Variants in DPPA2 observed in about 807,000 individuals in gnomAD.
The protein encoded by DPPA2 is developmental pluripotency associated 2, also known as developmental pluripotency-associated protein 2.
A neutral mutation model predicts 36.2 loss-of-function variants in DPPA2; 26 were observed. The ratio of observed to expected loss-of-function variants is 0.72; its 90% CI spans 0.53 to 1.00. The LOEUF is 1.00. Ranked by LOEUF, DPPA2 falls within the 50% of genes least tolerant of loss-of-function variation. The pLI is 0.00. For missense variants in DPPA2, 361 were observed against 365.1 expected, an observed-to-expected ratio of 0.99 and a Z score of 0.09; for synonymous variants, 113 against 123.2, an observed-to-expected ratio of 0.92 and a Z score of 0.55.
At chr3:109,312,272 T>C (rs1421532179) in intron 3 of DPPA2, among the ~76,000 whole-genome samples, 3 of 152,146 alleles carry the variant, frequency 2.0e-5, no homozygotes, top group South Asian at 4.1e-4. Flanking sequence ...AGGCGGAGGT[T>C]GCAGTGAGCC....
chr3:109,308,898 A>T (rs1425239129), intron 5 of DPPA2, 128 bp downstream of exon 5: 1 of 1,162,134 alleles, frequency 8.6e-7, no homozygotes, highest in Non-Finnish European at 1.2e-6. Flanking sequence ...TTGTTCCGAA[A>T]TATCAATAAT....
chr3:109,301,714 A>C (rs1707460381), intron 7 of DPPA2, among the ~76,000 whole-genome samples: 1 of 152,002 alleles, frequency 6.6e-6, no homozygotes, highest in Non-Finnish European at 1.5e-5. Context: ...GAAGAAGGGA[A>C]GAATGACGAG....
At chr3:109,312,509 T>C in intron 3 of DPPA2, 36 bp downstream of exon 3, 2 of 1,588,560 alleles carry the variant, frequency 1.3e-6, no homozygotes, top group Non-Finnish European at 1.7e-6. Context: ...CCCAGAGTTG[T>C]AGGAGTAACT....
chr3:109,309,004 C>G, intron 5 of DPPA2, 22 bp downstream of exon 5: 1 of 1,614,090 alleles, frequency 6.2e-7, no homozygotes, highest in Non-Finnish European at 8.5e-7. Context: ...ACCTTCACAC[C>G]ATCAACACAC....
intron 8 of DPPA2, among the ~76,000 whole-genome samples, chr3:109,296,218 C>A (rs749367185): frequency 6.6e-6 from 1 of 152,034 alleles, no homozygotes; most frequent in Non-Finnish European, 1.5e-5. Flanking sequence ...AAATTCAACA[C>A]CTAGGCATAT....
chr3:109,299,493 G>A (rs1339767471), intron 8 of DPPA2, among the ~76,000 whole-genome samples: 1 of 151,746 alleles, frequency 6.6e-6, no homozygotes, highest in Non-Finnish European at 1.5e-5. Context: ...CTCCAGCCTG[G>A]GCAACAGAGT....
chr3:109,304,559 A>C lies in DPPA2; in HGVS notation c.770T>G (p.Met257Arg), dbSNP rs765195595. The change falls in exon 7 of 9, where the codon ATG becomes AGG. Residue 257 changes from methionine to arginine, a missense_variant. Coordinates refer to ENST00000478945, the MANE Select transcript of DPPA2 (RefSeq NM_138815.4). ...QAWVPTTHRR[M>R]ISLFLLPACI... is the part of the protein sequence containing the mutation. Reference sequence around the variant, plus strand: ...GGCAGGTAACAAGAAGAGAGAAATCATCCTCCTGTGAGTGGTAGGCACCCA... The same window carrying C: ...GGCAGGTAACAAGAAGAGAGAAATCCTCCTCCTGTGAGTGGTAGGCACCCA... 6.2e-7 allele frequency: 1 copy of C among 1,614,148 alleles called. No homozygotes were observed. The highest frequency in any genetic ancestry group is 2.2e-5 in the East Asian group (1 of 44,862).
chr3:109,309,548 G>T (rs1707657629), intron 3 of DPPA2, among the ~76,000 whole-genome samples: 1 of 151,504 alleles, frequency 6.6e-6, no homozygotes, highest in Non-Finnish European at 1.5e-5. Context: ...AACTTAGCCG[G>T]GCGTGCTGGC....
rs112403340 is a variant in DPPA2, at chr3:109,308,022, T to G, written c.658+10A>C. 778 of 1,612,804 alleles carry G rather than the reference T, an allele frequency of 4.8e-4. 5 individuals carry two copies. In the African/African-American group the frequency reaches 9.0e-3, roughly 19 times the overall value. ...CTGGAGTGGGACTCACACTTTAAGG[T>G]TGATCTTACCAGAGGCTTGCATCAA... On this transcript the variant is annotated intron_variant, in intron 6 of 8. Transcript: ENST00000478945.
intron 8 of DPPA2, 40 bp downstream of exon 8, chr3:109,300,331 A>C: frequency 6.5e-7 from 1 of 1,534,936 alleles, no homozygotes; most frequent in Non-Finnish European, 9.0e-7. Flanking sequence ...TTCAAATCAA[A>C]ATAATACTTA....
intron 2 of DPPA2, among the ~76,000 whole-genome samples, chr3:109,313,417 A>G (rs1035801919): frequency 1.3e-5 from 2 of 152,222 alleles, no homozygotes; most frequent in East Asian, 1.9e-4. Flanking sequence ...TACACAGAGT[A>G]GGCATTCAAT....
At chr3:109,299,027 C>G (rs1707409274) in intron 8 of DPPA2, among the ~76,000 whole-genome samples, 1 of 151,404 alleles carries the variant, frequency 6.6e-6, no homozygotes, top group Non-Finnish European at 1.5e-5. Flanking sequence ...GCCTGGGTGA[C>G]AGAGCCAGAC....
intron 6 of DPPA2, among the ~76,000 whole-genome samples, chr3:109,305,265 T>A (rs1305457458): frequency 6.6e-6 from 1 of 152,204 alleles, no homozygotes. Context: ...ATTAATACAT[T>A]TACTCTTAAG....
rs867713514 is a variant in DPPA2, at chr3:109,297,856, C to T, written c.*22+2515G>A. ...GCACACTGGCTTATGCCTGTAATCC[C>T]AGCACTTTGGGAGGCTAAGGCAGAA... On this transcript the variant is annotated intron_variant, in intron 8 of 8. Coordinates refer to ENST00000478945, the MANE Select transcript of DPPA2 (RefSeq NM_138815.4). 6.0e-4 allele frequency among the ~76,000 whole-genome samples: 92 copies of T among 152,186 alleles called. 1 individual carries two copies. Among genetic ancestry groups the T allele is most frequent in the African/African-American group, 2.0e-3 (81 of 41,434 alleles).
At chr3:109,314,614 T>C (rs1363916876) in intron 1 of DPPA2, 59 bp from the exon 2 acceptor site, 6 of 1,485,020 alleles carry the variant, frequency 4.0e-6, no homozygotes, top group Non-Finnish European at 5.5e-6. Context: ...CTTAACCTGC[T>C]TTCTCCTTTT....
chr3:109,302,523 G>C (rs1251580928), intron 7 of DPPA2, among the ~76,000 whole-genome samples: 1 of 151,990 alleles, frequency 6.6e-6, no homozygotes, highest in Non-Finnish European at 1.5e-5. Flanking sequence ...GTGCGATCTT[G>C]CCTCACTGCA....
chr3:109,305,611 C>G (rs1707544590), intron 6 of DPPA2, among the ~76,000 whole-genome samples: 1 of 152,056 alleles, frequency 6.6e-6, no homozygotes, highest in Admixed American at 6.6e-5. Flanking sequence ...CCCATCTCTA[C>G]TAAAAATACA....
At chr3:109,313,213 A>G (rs968843354) in intron 2 of DPPA2, among the ~76,000 whole-genome samples, 2 of 152,214 alleles carry the variant, frequency 1.3e-5, no homozygotes, top group African/African-American at 2.4e-5. Context: ...TATTCTGGTT[A>G]ATGACAAAAC....
At chr3:109,301,633 C>G (rs1456430225) in intron 7 of DPPA2, among the ~76,000 whole-genome samples, 3 of 150,766 alleles carry the variant, frequency 2.0e-5, no homozygotes, top group Non-Finnish European at 4.4e-5. Context: ...GCCTGGTTGA[C>G]AGAGCCAGAC....
Sources: allele counts gnomAD v4.1 joint callset (sites outside exome capture counted in the v4.1 genomes callset), GRCh38; gene constraint gnomAD v4.1.1; transcripts MANE v1.5; gene names NCBI Gene and HGNC (gene_info 2026-07-23, HGNC 2026-07-21).